The following ZNF559 variants were observed in gnomAD, a reference collection of about 807,000 sequenced individuals.
ZNF559 encodes the protein putative protein product of Nbla00121.
In ZNF559, 17 loss-of-function variants were observed where a neutral mutation model predicts 14.2. The observed-to-expected ratio is 1.20, with a 90% CI of 0.82 to 1.80. The LOEUF (loss-of-function observed/expected upper bound fraction) is 1.80, where lower values mean the gene tolerates loss of function less well. Ranked by LOEUF, ZNF559 falls within the 40% of genes most tolerant of loss-of-function variation. The pLI, the probability that ZNF559 is intolerant of heterozygous loss-of-function variation, is 0.00. For missense variants in ZNF559, 740 were observed against 629.7 expected, an observed-to-expected ratio of 1.18 and a Z score of -1.88; for synonymous variants, 244 against 212.4, an observed-to-expected ratio of 1.15 and a Z score of -1.29.
rs981353731 is a variant in ZNF559 at position 9,343,296 on chromosome 19, C to G, written c.*228C>G. ...CCTTACTATTCATGTGTCTGTGCAT[C>G]CTAGGAAACAAACTGAACGTAGGAA... is the stretch of plus-strand genomic sequence containing the variant. On this transcript the variant is annotated 3_prime_UTR_variant, in exon 7 of 7. Coordinates refer to ENST00000603380, the MANE Select transcript of ZNF559 (RefSeq NM_032497.3). The G allele has an allele frequency of 2.5e-5, 33 of 1,319,674 alleles. No individual in the cohort carries two copies. The highest frequency in any genetic ancestry group is 1.1e-4 in the Admixed American group (3 of 28,280). The allele number at this position is 1,319,674 out of a possible 1,614,324, so 81.7% of individuals were successfully genotyped here.
chr19:9,335,675 C>T (rs1460992202), intron 2 of ZNF559, among the ~76,000 whole-genome samples: 1 of 152,164 alleles, frequency 6.6e-6, no homozygotes, highest in Non-Finnish European at 1.5e-5. Context: ...GCTGGCACTA[C>T]AGACACGTAC....
rs1300599231 is a variant in ZNF559 at position 9,341,851 on chromosome 19, T to G, written c.400T>G (p.Phe134Val). Residue 134 changes from phenylalanine (F) to valine (V), a missense_variant, in exon 7 of 7, where the codon TTT (phenylalanine) becomes GTT (valine). Physicochemically the swap from Phe to Val is conservative, Grantham distance 50. Coordinates refer to ENST00000603380, the MANE Select transcript of ZNF559 (RefSeq NM_032497.3). ...CEKAFRKPSIFTLHKKTDIGE... is the reference protein window; with the variant it reads ...CEKAFRKPSIVTLHKKTDIGE... ...AAAAGCCTTCAGAAAACCCTCTATC[T>G]TTACTTTACACAAGAAAACTGATAT... is the stretch of plus-strand genomic sequence containing the variant. 7 of 1,609,986 alleles carry G rather than the reference T, an allele frequency of 4.3e-6. No individual in the cohort carries two copies. Among genetic ancestry groups the G allele is most frequent in the Non-Finnish European group, 5.9e-6 (7 of 1,179,064 alleles).
rs544049077 is a variant in ZNF559 at position 9,342,416 on chromosome 19, A to G, written c.965A>G (p.Glu322Gly). The G allele has an allele frequency of 4.5e-5, 72 of 1,614,156 alleles. 1 individual carries two copies. In the South Asian group the frequency reaches 7.6e-4, roughly 17 times the overall value. ...ATTCACATAAGGGTTCACACTGGAG[A>G]AAAACCGTATGAGTGCAACAAATGT... ...LNIHIRVHTG[E>G]KPYECNKCGK... Residue 322 changes from glutamate (E) to glycine (G), a missense_variant, in exon 7 of 7, where the codon GAA (glutamate) becomes GGA (glycine). Transcript: ENST00000603380.
At chr19:9,331,580 A>G (rs11882041) in intron 2 of ZNF559, among the ~76,000 whole-genome samples, 120 of 152,354 alleles carry the variant, frequency 7.9e-4, no homozygotes, top group African/African-American at 2.8e-3. Flanking sequence ...AAAGAGACCA[A>G]TTTATCAAAA....
Position 9,337,845 on chromosome 19 carries a change from C to A in ZNF559, c.-70C>A. ...GATGACAGATGAGTAATGCCTGTTGCTGAAAGATTGACGGTATGAGGCAAG... is the reference window on the plus strand; with the variant it reads ...GATGACAGATGAGTAATGCCTGTTGATGAAAGATTGACGGTATGAGGCAAG... On this transcript the variant is annotated 5_prime_UTR_variant, in exon 3 of 7. In the 5' UTR this introduces an upstream ATG that the reference lacks. Transcript: ENST00000603380. 1 of 1,489,730 alleles carries A rather than the reference C, an allele frequency of 6.7e-7. No individual in the cohort carries two copies. The highest frequency in any genetic ancestry group is 8.9e-7 in the Non-Finnish European group (1 of 1,122,792). 92.3% of individuals were successfully genotyped at this position (1,489,730 alleles called of 1,614,324 possible). A position where few individuals can be genotyped will look rare whatever the true frequency, so the allele number is the denominator to read the frequency against.
intron 2 of ZNF559, among the ~76,000 whole-genome samples, chr19:9,328,820 CT>C: frequency 6.6e-6 from 1 of 152,134 alleles, no homozygotes; most frequent in Non-Finnish European, 1.5e-5. Context: ...TGTCAGAAGT[CT>C]TTTCTTTGAA....
chr19:9,323,992 G>C, upstream of ZNF559: 1 of 619,936 alleles, frequency 1.6e-6, no homozygotes, highest in Non-Finnish European at 2.8e-6. Flanking sequence ...CAAAACGCCA[G>C]TAACCTGGAC....
chr19:9,331,092 A>C (rs1330350210), intron 2 of ZNF559, among the ~76,000 whole-genome samples: 1 of 152,190 alleles, frequency 6.6e-6, no homozygotes, highest in Non-Finnish European at 1.5e-5. Context: ...TTTCTCAGTC[A>C]TACAGAGCAG....
At chr19:9,331,043 C>G (rs56169947) in intron 2 of ZNF559, among the ~76,000 whole-genome samples, 16,940 of 152,144 alleles carry the variant, frequency 0.11, 1,120 homozygotes, top group African/African-American at 0.19. Context: ...CACACCTTCT[C>G]TTCTCTCTCT....
chr19:9,341,260 C>T (rs1170610057), intron 6 of ZNF559, 76 bp downstream of exon 6: 2 of 1,403,148 alleles, frequency 1.4e-6, no homozygotes, highest in Admixed American at 3.4e-5. Flanking sequence ...GGAAAAGCAG[C>T]ACAATAACCT....
At position 9,342,909 on chromosome 19, in the gene ZNF559, T is replaced by C; in HGVS notation, c.1458T>C (p.Thr486=). 1 of 1,614,228 alleles carries C rather than the reference T, an allele frequency of 6.2e-7. No individual in the cohort carries two copies. The highest frequency in any genetic ancestry group is 1.1e-5 in the South Asian group (1 of 91,084). The change falls in exon 7 of 7, where the codon ACT becomes ACC. Residue 486 remains threonine (T), a synonymous_variant. Coordinates refer to ENST00000603380, the MANE Select transcript of ZNF559 (RefSeq NM_032497.3). ...CAGGCCTTACAGTACACATGAGAAC[T>C]CACACTGGTGAACGGCCCTTTGAAT... ...ISSGLTVHMR[T]HTGERPFECQ... is the part of the protein sequence containing the mutation.
At chr19:9,329,188 C>T (rs1165654049) in intron 2 of ZNF559, among the ~76,000 whole-genome samples, 1 of 152,082 alleles carries the variant, frequency 6.6e-6, no homozygotes, top group African/African-American at 2.4e-5. Flanking sequence ...AATGGAATGA[C>T]CTTGAGCATA....
In ZNF559 at chr19:9,344,209, C is replaced by T. The variant is rs1257631518; in HGVS notation, c.*1141C>T. The stretch of plus-strand genomic sequence containing the variant: ...TGAGCTCAGATCACGCCACTGCACT[C>T]CAGCCTGGATGATATGGTAAGACCA... On this transcript the variant is annotated 3_prime_UTR_variant, in exon 7 of 7. Transcript: ENST00000603380. 6.6e-6 allele frequency: 1 copy of T among 151,874 alleles called. No homozygotes were observed. Among genetic ancestry groups the T allele is most frequent in the East Asian group, 1.9e-4 (1 of 5,176 alleles). The allele number at this position is 151,874 out of a possible 1,614,324, so 9.4% of individuals were successfully genotyped here. A position where few individuals can be genotyped will look rare whatever the true frequency, so the allele number is the denominator to read the frequency against.
At chr19:9,338,664 C>A in intron 4 of ZNF559, 82 bp downstream of exon 4, 1 of 1,042,878 alleles carries the variant, frequency 9.6e-7, no homozygotes, top group Non-Finnish European at 1.5e-6. Flanking sequence ...GGAACAGGGC[C>A]CCTGCAAGCA....
chr19:9,324,883 A>G (rs1490388720), intron 2 of ZNF559, 103 bp downstream of exon 2: 4 of 930,750 alleles, frequency 4.3e-6, no homozygotes, highest in East Asian at 5.3e-5. Flanking sequence ...TCGAGAGCAC[A>G]TGGATCTGAT....
At chr19:9,327,156 C>T (rs947704202) in intron 2 of ZNF559, among the ~76,000 whole-genome samples, 1 of 152,168 alleles carries the variant, frequency 6.6e-6, no homozygotes, top group Non-Finnish European at 1.5e-5. Context: ...TTATAGTAAT[C>T]TATAAGTGAT....
chr19:9,324,560 TG>T (rs1384692711), intron 1 of ZNF559, 134 bp from the exon 2 acceptor site: 2 of 1,178,066 alleles, frequency 1.7e-6, no homozygotes, highest in East Asian at 5.1e-5. Flanking sequence ...TTGGGCGGAT[TG>T]GGTAGGAGGA....
rs552749421 is a variant in ZNF559 at position 9,333,429 on chromosome 19, G to A, written c.-119-4367G>A. Among the ~76,000 whole-genome samples, 111 of 152,282 alleles carry A rather than the reference G, an allele frequency of 7.3e-4. 1 individual carries two copies. Among genetic ancestry groups the A allele is most frequent in the Middle Eastern group, 3.4e-3 (1 of 294 alleles). The stretch of plus-strand genomic sequence containing the variant: ...AAAATAATTCCAAAGGAAGCTAGGC[G>A]TAGTGGCTCACACCTGTAATCCCAG... On this transcript the variant is annotated intron_variant, in intron 2 of 6. Transcript: ENST00000603380.
chr19:9,336,748 T>C (rs1222774054), intron 2 of ZNF559, among the ~76,000 whole-genome samples: 1 of 152,164 alleles, frequency 6.6e-6, no homozygotes, highest in Non-Finnish European at 1.5e-5. Context: ...TTCATAAATG[T>C]TTGCAGAGTG....
Sources: allele counts gnomAD v4.1 joint callset (sites outside exome capture counted in the v4.1 genomes callset), GRCh38; gene constraint gnomAD v4.1.1; transcripts MANE v1.5; gene names NCBI Gene and HGNC (gene_info 2026-07-23, HGNC 2026-07-21).